The following BRSK2 variants were observed in gnomAD, a reference collection of about 807,000 sequenced individuals.
The protein encoded by BRSK2 is serine/threonine-protein kinase BRSK2.
Under a neutral mutation model 83.3 loss-of-function variants are expected in BRSK2, and 19 were observed. The observed-to-expected ratio is 0.23, with a 90% CI of 0.16 to 0.33. The LOEUF is 0.33. Among genes scored for constraint, BRSK2 ranks in the 10% least tolerant of loss-of-function variants. BRSK2 has a pLI of 1.00. For synonymous variants in BRSK2, 519 were observed against 435.4 expected (o/e 1.19, Z -2.39); for missense variants, 798 against 1,042.3 (o/e 0.77, Z 3.23).
intron 1 of BRSK2, among the ~76,000 whole-genome samples, chr11:1,392,613 C>T (rs902861034): frequency 2.0e-5 from 3 of 152,158 alleles, no homozygotes; most frequent in East Asian, 1.9e-4. Context: ...GCCTGCTGGA[C>T]GGTGGGCCAA....
At chr11:1,411,175 C>T (rs769083589) in intron 1 of BRSK2, 688 of 1,230,230 alleles carry the variant, frequency 5.6e-4, no homozygotes, top group Non-Finnish European at 6.7e-4. Flanking sequence ...CTAGTTCCTC[C>T]TTCCTGGTCA....
intron 1 of BRSK2, among the ~76,000 whole-genome samples, chr11:1,400,111 A>G (rs1182409436): frequency 6.6e-6 from 1 of 152,276 alleles, no homozygotes; most frequent in Non-Finnish European, 1.5e-5. Flanking sequence ...GCAGGAAGCC[A>G]GTCGGATGCT....
At chr11:1,442,429 GGGCGGGGA>G (rs1851470021) in intron 4 of BRSK2, 53 bp from the exon 5 acceptor site, 1 of 1,375,000 alleles carries the variant, frequency 7.3e-7, no homozygotes, top group African/African-American at 1.4e-5. Context: ...GGGGTCTCCA[GGGCGGGGA>G]GGCGCTCAAG....
At chr11:1,450,555 A>T in intron 13 of BRSK2, 32 bp from the exon 14 acceptor site, 1 of 1,327,440 alleles carries the variant, frequency 7.5e-7, no homozygotes, top group Non-Finnish European at 1.0e-6. Context: ...GCCGGGATTG[A>T]ACCAAACACC....
At chr11:1,398,309 G>A (rs1238973629) in intron 1 of BRSK2, among the ~76,000 whole-genome samples, 3 of 152,178 alleles carry the variant, frequency 2.0e-5, no homozygotes, top group Non-Finnish European at 2.9e-5. Flanking sequence ...TGCCTGAGCT[G>A]CCTGGTTGGG....
At chr11:1,435,312 G>A (rs570618929) in intron 1 of BRSK2, among the ~76,000 whole-genome samples, 85 of 390 alleles carry the variant, frequency 0.22, 7 homozygotes, top group Non-Finnish European at 0.28. Flanking sequence ...GTGCCGGTGG[G>A]GGTCTCGGCG....
In BRSK2 at chr11:1,460,786, CCTGCCCCGAGTGGACCCGCGG is replaced by C; in HGVS notation, c.*65_*85del. 1.4e-6 allele frequency: 2 copies of C among 1,462,134 alleles called. No homozygotes were observed. Among genetic ancestry groups the C allele is most frequent in the Non-Finnish European group, 1.8e-6 (2 of 1,116,710 alleles). 90.6% of individuals were successfully genotyped at this position (1,462,134 alleles called of 1,614,324 possible). A position where few individuals can be genotyped will look rare whatever the true frequency, so the allele number is the denominator to read the frequency against. On this transcript the variant is annotated 3_prime_UTR_variant, in exon 20 of 20. Coordinates refer to ENST00000528841, the MANE Select transcript of BRSK2 (RefSeq NM_001256627.2). The stretch of plus-strand genomic sequence containing the variant: ...GGCTGCCTCGCCGCCCGCCGCCCGC[CCTGCCCCGAGTGGACCCGCGG>C]CCGCGCCGCCCGTCCGTCCAGACTG...
At chr11:1,445,720 C>G in intron 11 of BRSK2, 37 bp from the exon 12 acceptor site, 1 of 1,610,960 alleles carries the variant, frequency 6.2e-7, no homozygotes, top group Non-Finnish European at 8.5e-7. Flanking sequence ...CCACCGGGGT[C>G]CGGGGGCTGT....
intron 1 of BRSK2, among the ~76,000 whole-genome samples, chr11:1,404,354 G>A (rs567518366): frequency 6.6e-6 from 1 of 152,286 alleles, no homozygotes; most frequent in Non-Finnish European, 1.5e-5. Context: ...CTCTTCAGGG[G>A]AGTGGCCACG....
At chr11:1,429,285 GTGCAC>G in intron 1 of BRSK2, among the ~76,000 whole-genome samples, 1 of 109,312 alleles carries the variant, frequency 9.1e-6, no homozygotes, top group African/African-American at 5.2e-5. Context: ...GTGTGGGTGT[GTGCAC>G]TGGGCGTGTG....
chr11:1,447,943 C>T (rs1336698186), intron 12 of BRSK2: 7 of 1,387,876 alleles, frequency 5.0e-6, no homozygotes, highest in East Asian at 2.5e-5. Context: ...GGCACATGGG[C>T]GGGTCTGGTG....
Position 1,442,682 on chromosome 11 carries a change from GC to G in BRSK2, c.530+81del, listed in dbSNP as rs1190958399. ...GGAAGAGGAGCCAGTGGACTGAGAGGCCCCCAGCCTGCCTGAGCCTCCCGGC... is the reference window on the plus strand; with the variant it reads ...GGAAGAGGAGCCAGTGGACTGAGAGGCCCCAGCCTGCCTGAGCCTCCCGGC... On this transcript the variant is annotated intron_variant, in intron 5 of 19. Coordinates refer to ENST00000528841, the MANE Select transcript of BRSK2 (RefSeq NM_001256627.2). 70 of 1,262,216 alleles carry G rather than the reference GC, an allele frequency of 5.5e-5. No homozygotes were observed. In the East Asian group the frequency reaches 1.6e-3, roughly 29 times the overall value. The allele number at this position is 1,262,216 out of a possible 1,614,324, so 78.2% of individuals were successfully genotyped here.
chr11:1,447,886 C>A, intron 12 of BRSK2: 1 of 1,581,680 alleles, frequency 6.3e-7, no homozygotes, highest in Non-Finnish European at 8.5e-7. Context: ...ACCACCCGTC[C>A]CCGCACCTCC....
At chr11:1,434,548 G>A (rs1459871824) in intron 1 of BRSK2, among the ~76,000 whole-genome samples, 2 of 135,080 alleles carry the variant, frequency 1.5e-5, no homozygotes, top group East Asian at 2.2e-4. Flanking sequence ...GGGGTCCCCT[G>A]TGATAACCTG....
At chr11:1,393,813 G>A (rs1845877268) in intron 1 of BRSK2, among the ~76,000 whole-genome samples, 1 of 152,370 alleles carries the variant, frequency 6.6e-6, no homozygotes, top group Non-Finnish European at 1.5e-5. Context: ...TGTTTAGAAA[G>A]TTGAGCAGGA....
At position 1,462,382 on chromosome 11, in the gene BRSK2, C is replaced by T. The variant is rs1156451979; in HGVS notation, c.*1659C>T. 6.6e-6 allele frequency: 1 copy of T among 152,304 alleles called. No individual in the cohort carries two copies. The highest frequency in any genetic ancestry group is 6.5e-5 in the Admixed American group (1 of 15,288). 9.4% of individuals were successfully genotyped at this position (152,304 alleles called of 1,614,324 possible). A position where few individuals can be genotyped will look rare whatever the true frequency, so the allele number is the denominator to read the frequency against. On this transcript the variant is annotated 3_prime_UTR_variant, in exon 20 of 20. Coordinates refer to ENST00000528841, the MANE Select transcript of BRSK2 (RefSeq NM_001256627.2). Reference sequence around the variant, plus strand: ...CTTCGGTGCCTGCCCCTGCCTCCCACCCACCTCGTGTATAGATTTTAACGC... The same window carrying T: ...CTTCGGTGCCTGCCCCTGCCTCCCATCCACCTCGTGTATAGATTTTAACGC...
At chr11:1,402,448 C>G (rs997932160) in intron 1 of BRSK2, among the ~76,000 whole-genome samples, 1 of 152,224 alleles carries the variant, frequency 6.6e-6, no homozygotes, top group Non-Finnish European at 1.5e-5. Context: ...TCCACCTGAA[C>G]CTTGTCCGTG....
rs769515547 is a variant in BRSK2 at position 1,460,738 on chromosome 11, C to CCG, written c.*16_*17insGC. 1.2e-4 allele frequency: 167 copies of CCG among 1,408,148 alleles called. 2 individuals carry two copies. Among genetic ancestry groups the CCG allele is most frequent in the Middle Eastern group, 2.5e-4 (1 of 3,928 alleles). 87.2% of individuals were successfully genotyped at this position (1,408,148 alleles called of 1,614,324 possible). A position where few individuals can be genotyped will look rare whatever the true frequency, so the allele number is the denominator to read the frequency against. On this transcript the variant is annotated 3_prime_UTR_variant, in exon 20 of 20. Transcript: ENST00000528841. ...AGCAGCCTTAGACACACTAGCCCCC[C>CCG]CCCCCAGCACAGCACTGACAGCGGC...
chr11:1,456,782 GC>G (rs1245405945), intron 18 of BRSK2, 95 bp downstream of exon 18: 1 of 1,381,090 alleles, frequency 7.2e-7, no homozygotes, highest in African/African-American at 1.4e-5. Flanking sequence ...CCCGGGCGCA[GC>G]CTCCTGGCCC....
Sources: allele counts gnomAD v4.1 joint callset (sites outside exome capture counted in the v4.1 genomes callset), GRCh38; gene constraint gnomAD v4.1.1; transcripts MANE v1.5; gene names NCBI Gene and HGNC (gene_info 2026-07-23, HGNC 2026-07-21).